The following PDE1C variants were observed in gnomAD, a reference collection of about 807,000 sequenced individuals.
PDE1C encodes phosphodiesterase 1C.
A neutral mutation model predicts 93.1 loss-of-function variants in PDE1C; 62 were observed. The ratio of observed to expected loss-of-function variants is 0.67; its 90% CI spans 0.54 to 0.82. The LOEUF (loss-of-function observed/expected upper bound fraction) is 0.82, where lower values mean the gene tolerates loss of function less well. PDE1C is among the 40% of genes least tolerant of loss of function. PDE1C has a pLI of 0.00. For synonymous variants in PDE1C, 325 were observed against 310.1 expected (o/e 1.05, Z -0.50); for missense variants, 742 against 884.6 (o/e 0.84, Z 2.04).
chr7:31,942,183 A>G (rs1209771668), intron 2 of PDE1C, among the ~76,000 whole-genome samples: 1 of 152,146 alleles, frequency 6.6e-6, no homozygotes, highest in African/African-American at 2.4e-5. Flanking sequence ...TGTGCTCCAT[A>G]AGTTCCGGAG....
chr7:31,869,042 G>T (rs929720123), intron 6 of PDE1C, among the ~76,000 whole-genome samples: 1 of 152,040 alleles, frequency 6.6e-6, no homozygotes, highest in Non-Finnish European at 1.5e-5. Flanking sequence ...GAATGCTTAA[G>T]GGAGTCTTAC....
chr7:32,246,211 C>T (rs1808935784), intron 1 of PDE1C, among the ~76,000 whole-genome samples: 1 of 152,088 alleles, frequency 6.6e-6, no homozygotes, highest in Non-Finnish European at 1.5e-5. Context: ...TCGAGCAATC[C>T]TCTTGCCTTG....
At chr7:31,754,003 A>G (rs1339262820) in intron 17 of PDE1C, among the ~76,000 whole-genome samples, 1 of 152,220 alleles carries the variant, frequency 6.6e-6, no homozygotes, top group African/African-American at 2.4e-5. Flanking sequence ...TATTTATAAA[A>G]CACATATAAA....
intron 1 of PDE1C, among the ~76,000 whole-genome samples, chr7:32,230,028 G>A (rs1045759160): frequency 7.2e-5 from 11 of 152,184 alleles, no homozygotes; most frequent in African/African-American, 1.7e-4. Flanking sequence ...GGGAAGGAGC[G>A]GGCAGCTCAG....
intron 1 of PDE1C, among the ~76,000 whole-genome samples, chr7:32,054,215 G>T (rs955535294): frequency 6.6e-6 from 1 of 152,096 alleles, no homozygotes; most frequent in African/African-American, 2.4e-5. Context: ...CTCTGACACC[G>T]TTCTCCGTGG....
chr7:31,993,144 C>A (rs1362686240), intron 2 of PDE1C, among the ~76,000 whole-genome samples: 1 of 152,188 alleles, frequency 6.6e-6, no homozygotes, highest in Non-Finnish European at 1.5e-5. Context: ...TGGTTTCACA[C>A]TAAGATAATA....
chr7:31,980,985 G>T (rs188854155), intron 2 of PDE1C, among the ~76,000 whole-genome samples: 1 of 152,236 alleles, frequency 6.6e-6, no homozygotes, highest in East Asian at 1.9e-4. Context: ...AATCACACAT[G>T]CAAAGTCCCT....
chr7:32,282,494 A>C (rs73089933), intron 1 of PDE1C, among the ~76,000 whole-genome samples: 2 of 39,298 alleles, frequency 5.1e-5, no homozygotes, highest in East Asian at 5.6e-4. Flanking sequence ...AAATAGATAG[A>C]TAGATAGATA....
At chr7:32,131,146 G>A (rs977444905) in intron 3 of PDE1C, among the ~76,000 whole-genome samples, 111 of 152,228 alleles carry the variant, frequency 7.3e-4, no homozygotes, top group African/African-American at 2.5e-3. Flanking sequence ...TGTCTCAGGA[G>A]TTTTAAATTC....
intron 3 of PDE1C, among the ~76,000 whole-genome samples, chr7:32,140,787 G>A (rs536603379): frequency 2.2e-4 from 34 of 152,342 alleles, no homozygotes; most frequent in Middle Eastern, 3.4e-3. Context: ...GTGCCTCAGC[G>A]TGCCCACTCG....
At chr7:31,772,474 T>C (rs1227809517) in intron 17 of PDE1C, among the ~76,000 whole-genome samples, 1 of 150,858 alleles carries the variant, frequency 6.6e-6, no homozygotes, top group African/African-American at 2.4e-5. Flanking sequence ...AGGATGTGGA[T>C]CACAGCTGTC....
chr7:32,217,813 A>G (rs1806540344), intron 1 of PDE1C, among the ~76,000 whole-genome samples: 1 of 152,238 alleles, frequency 6.6e-6, no homozygotes, highest in African/African-American at 2.4e-5. Context: ...GAGAAATGCT[A>G]TATAATACAA....
At chr7:31,625,710 C>T in the PDE1C span, among the ~76,000 whole-genome samples, 2 of 151,852 alleles carry the variant, frequency 1.3e-5, no homozygotes, top group African/African-American at 4.8e-5. Context: ...CAACATGTCA[C>T]ATGTATACAT....
At chr7:32,350,570 ATATATATATATATATATATATT>A (rs1408847417) in intron 1 of PDE1C, among the ~76,000 whole-genome samples, 21 of 1,876 alleles carry the variant, frequency 0.011, 7 homozygotes, top group Admixed American at 0.056. Flanking sequence ...ATATATATAT[ATATATATATATATATATATATT>A]TTTTTTTTTT....
chr7:31,935,268 T>C (rs1804880608), intron 2 of PDE1C, among the ~76,000 whole-genome samples: 1 of 152,164 alleles, frequency 6.6e-6, no homozygotes. Context: ...CTGAAATCAG[T>C]GCTTTTGAAA....
At chr7:31,766,326 G>A (rs1795144679) in intron 17 of PDE1C, among the ~76,000 whole-genome samples, 1 of 151,836 alleles carries the variant, frequency 6.6e-6, no homozygotes, top group South Asian at 2.1e-4. Flanking sequence ...GGAGCTTGCA[G>A]TGAGCCGAGA....
intron 14 of PDE1C, among the ~76,000 whole-genome samples, chr7:31,821,085 G>A (rs75468166): frequency 0.078 from 11,753 of 150,712 alleles, 651 homozygotes; most frequent in African/African-American, 0.15. Context: ...TCTCCCACAA[G>A]ATATCCGTAA....
intron 3 of PDE1C, among the ~76,000 whole-genome samples, chr7:32,084,010 T>A (rs1391180750): frequency 1.3e-5 from 2 of 150,490 alleles, no homozygotes; most frequent in Non-Finnish European, 3.0e-5. Context: ...AATATTAACT[T>A]TAAATGTAAA....
chr7:31,762,213 T>C (rs915606377), intron 17 of PDE1C, among the ~76,000 whole-genome samples: 9 of 152,242 alleles, frequency 5.9e-5, no homozygotes, highest in Non-Finnish European at 1.2e-4. Context: ...TTTAGCAACT[T>C]TAACCCAACC....
Sources: gnomAD v4.1 joint callset for allele counts (sites outside exome capture counted in the v4.1 genomes callset) on GRCh38, gnomAD v4.1.1 for gene constraint, MANE v1.5 for transcripts, NCBI Gene and HGNC (gene_info 2026-07-23, HGNC 2026-07-21) for gene names.